HLCS: variants seen among roughly 807,000 people sequenced by gnomAD.
HLCS encodes holocarboxylase synthetase.
In HLCS, 53 loss-of-function variants were observed where a neutral mutation model predicts 75.0. The ratio of observed to expected loss-of-function variants is 0.71; its 90% CI spans 0.57 to 0.89. The LOEUF is 0.89. Among genes scored for constraint, HLCS ranks in the 40% least tolerant of loss-of-function variants. The probability of loss-of-function intolerance (pLI) is 0.00; values close to 1 mark genes in which losing one functional copy is unlikely to be tolerated. For missense variants in HLCS, 966 were observed against 1,074.0 expected (o/e 0.90, Z 1.41); for synonymous variants, 431 against 428.6 (o/e 1.01, Z -0.07).
At chr21:36,759,615 A>AT (rs2089748018) in intron 9 of HLCS, 112 bp downstream of exon 9, 3 of 723,770 alleles carry the variant, frequency 4.1e-6, no homozygotes, top group Non-Finnish European at 7.5e-6. Context: ...ACAAGACTCA[A>AT]AGTAACCTCA....
intron 1 of HLCS, among the ~76,000 whole-genome samples, chr21:36,975,860 C>T (rs2068923300): frequency 6.6e-6 from 1 of 152,348 alleles, no homozygotes; most frequent in South Asian, 2.1e-4. Flanking sequence ...GTTCATTCTG[C>T]ACCTCCTGCA....
chr21:36,808,011 T>G (rs538214359), intron 6 of HLCS, among the ~76,000 whole-genome samples: 1 of 151,346 alleles, frequency 6.6e-6, no homozygotes, highest in East Asian at 2.0e-4. Context: ...AAAAAGTAAG[T>G]TTTGTGATAA....
intron 5 of HLCS, among the ~76,000 whole-genome samples, 179 bp from the exon 6 acceptor site, chr21:36,897,310 G>A (rs2065054669): frequency 6.6e-6 from 1 of 152,020 alleles, no homozygotes; most frequent in South Asian, 2.1e-4. Flanking sequence ...CATATACTTA[G>A]TATACTTATA....
At chr21:36,794,662 A>G (rs1196051517) in intron 6 of HLCS, among the ~76,000 whole-genome samples, 1 of 152,196 alleles carries the variant, frequency 6.6e-6, no homozygotes, top group Admixed American at 6.5e-5. Context: ...TTTCTAAGCT[A>G]ACAGGGATGA....
rs1280269341 is a variant in HLCS, at chr21:36,756,531, C to CCAG, written c.2450+8_2450+10dup. 6.3e-7 allele frequency: 1 copy of CCAG among 1,595,522 alleles called. No individual in the cohort carries two copies. The highest frequency in any genetic ancestry group is 1.7e-5 in the Admixed American group (1 of 59,814). On this transcript the variant is annotated intron_variant, in intron 10 of 10. Coordinates refer to ENST00000674895, the MANE Select transcript of HLCS (RefSeq NM_001352514.2). ...AGGAGTTGAAAAGAATGAAGATGAG[C>CCAG]CAGCACTGACCTGTGGACCCAGTAT...
At chr21:36,898,103 G>A (rs2065084722) in intron 5 of HLCS, among the ~76,000 whole-genome samples, 1 of 152,092 alleles carries the variant, frequency 6.6e-6, no homozygotes, top group African/African-American at 2.4e-5. Flanking sequence ...CTCACATCTA[G>A]TTTGCAGATA....
chr21:36,885,938 T>A (rs919550640), intron 6 of HLCS, among the ~76,000 whole-genome samples: 1 of 152,204 alleles, frequency 6.6e-6, no homozygotes, highest in Non-Finnish European at 1.5e-5. Flanking sequence ...TCTAATAAAT[T>A]GGGATTCCAA....
At chr21:36,935,738 G>A (rs1030149478) in intron 4 of HLCS, among the ~76,000 whole-genome samples, 3 of 152,242 alleles carry the variant, frequency 2.0e-5, no homozygotes, top group South Asian at 4.2e-4. Context: ...ATCCGCTACC[G>A]TTTGCTTAAA....
intron 2 of HLCS, among the ~76,000 whole-genome samples, chr21:36,945,691 T>G (rs2067357475): frequency 6.6e-6 from 1 of 152,246 alleles, no homozygotes; most frequent in Non-Finnish European, 1.5e-5. Flanking sequence ...GACAAGTGTG[T>G]GGTTTCTTTC....
At chr21:36,757,736 A>G (rs2089659447) in intron 9 of HLCS, among the ~76,000 whole-genome samples, 1 of 152,200 alleles carries the variant, frequency 6.6e-6, no homozygotes, top group South Asian at 2.1e-4. Context: ...ATACAAAGCA[A>G]TTGTCAATTA....
At chr21:36,972,625 A>G (rs2068821622) in intron 1 of HLCS, among the ~76,000 whole-genome samples, 1 of 152,226 alleles carries the variant, frequency 6.6e-6, no homozygotes, top group African/African-American at 2.4e-5. Flanking sequence ...TTACATATAG[A>G]AAGGCTTGAA....
chr21:36,869,756 G>C (rs2835515), intron 6 of HLCS, among the ~76,000 whole-genome samples: 1 of 152,032 alleles, frequency 6.6e-6, no homozygotes, highest in African/African-American at 2.4e-5. Context: ...TCCATCTTAA[G>C]TGTATTGATG....
intron 6 of HLCS, among the ~76,000 whole-genome samples, chr21:36,868,499 T>C (rs532986169): frequency 3.4e-4 from 52 of 152,246 alleles, no homozygotes; most frequent in South Asian, 2.1e-3. Context: ...ACTCATACAA[T>C]TGAAAGCTGA....
intron 6 of HLCS, among the ~76,000 whole-genome samples, chr21:36,803,703 G>A (rs567951517): frequency 6.6e-6 from 1 of 151,070 alleles, no homozygotes; most frequent in East Asian, 1.9e-4. Flanking sequence ...AAACTCATAA[G>A]GTGAAAAAAA....
intron 6 of HLCS, among the ~76,000 whole-genome samples, chr21:36,812,834 G>A (rs2061551644): frequency 6.6e-6 from 1 of 152,296 alleles, no homozygotes; most frequent in South Asian, 2.1e-4. Flanking sequence ...CGAGGTGCGA[G>A]GATGGCTTGA....
chr21:36,859,189 A>C (rs568007303), intron 6 of HLCS, among the ~76,000 whole-genome samples: 1 of 151,936 alleles, frequency 6.6e-6, no homozygotes, highest in Admixed American at 6.5e-5. Context: ...AGCCCAGCTA[A>C]TTGTTGTATT....
At chr21:36,816,516 T>C (rs2061670179) in intron 6 of HLCS, among the ~76,000 whole-genome samples, 1 of 152,194 alleles carries the variant, frequency 6.6e-6, no homozygotes, top group South Asian at 2.1e-4. Flanking sequence ...GTCACTGTAG[T>C]TACTGTTTCT....
At chr21:36,852,626 A>G (rs1011914505) in intron 6 of HLCS, among the ~76,000 whole-genome samples, 1 of 152,190 alleles carries the variant, frequency 6.6e-6, no homozygotes, top group Non-Finnish European at 1.5e-5. Context: ...CTTCATGGCC[A>G]GCACAGAGCC....
chr21:36,775,186 T>C (rs1401531150), intron 6 of HLCS, among the ~76,000 whole-genome samples: 1 of 152,244 alleles, frequency 6.6e-6, no homozygotes, highest in African/African-American at 2.4e-5. Flanking sequence ...ATACCTGCCC[T>C]TCTTACGTTT....
Sources: allele counts gnomAD v4.1 joint callset (sites outside exome capture counted in the v4.1 genomes callset), GRCh38; gene constraint gnomAD v4.1.1; transcripts MANE v1.5; gene names NCBI Gene and HGNC (gene_info 2026-07-23, HGNC 2026-07-21).